AARSD1: variants seen among roughly 807,000 people sequenced by gnomAD.
AARSD1 encodes alanyl-tRNA synthetase domain containing 1.
Under a neutral mutation model 48.7 loss-of-function variants are expected in AARSD1, and 44 were observed. The ratio of observed to expected loss-of-function variants is 0.90; its 90% confidence interval spans 0.71 to 1.16. The LOEUF (loss-of-function observed/expected upper bound fraction) is 1.16. Ranked by LOEUF, AARSD1 falls within the 50% of genes most tolerant of loss-of-function variation. The probability of loss-of-function intolerance (pLI) is 0.00; values close to 1 mark genes in which losing one functional copy is unlikely to be tolerated. For missense variants in AARSD1, 511 were observed against 523.1 expected, an observed-to-expected ratio of 0.98 and a Z score of 0.23; for synonymous variants, 189 against 194.9, an observed-to-expected ratio of 0.97 and a Z score of 0.25.
chr17:42,958,606 T>C (rs2049589921), intron 3 of AARSD1, among the ~76,000 whole-genome samples: 1 of 151,636 alleles, frequency 6.6e-6, no homozygotes, highest in Non-Finnish European at 1.5e-5. Context: ...AGTATCGCTC[T>C]GTCACCCAGG....
At chr17:42,961,152 G>C (rs1426430065) in intron 3 of AARSD1, 40 bp downstream of exon 3, 1 of 1,575,246 alleles carries the variant, frequency 6.3e-7, no homozygotes, top group African/African-American at 1.4e-5. Flanking sequence ...CCCATACATG[G>C]CAACTGCTCC....
At chr17:42,957,050 T>A (rs1458514630) in intron 4 of AARSD1, 88 bp downstream of exon 4, 5 of 1,461,116 alleles carry the variant, frequency 3.4e-6, no homozygotes, top group East Asian at 2.7e-5. Flanking sequence ...AGCCTTAATC[T>A]CCCCGGCTCA....
intron 4 of AARSD1, 71 bp downstream of exon 4, chr17:42,957,067 T>C (rs1267901704): frequency 1.3e-6 from 2 of 1,580,538 alleles, no homozygotes; most frequent in Middle Eastern, 3.4e-4. Context: ...CTCAAGCAAT[T>C]CTCCCACCTC....
At position 42,951,838 on chromosome 17, in the gene AARSD1, C is replaced by G; in HGVS notation, c.1065G>C (p.Leu355=). Residue 355 remains leucine, a synonymous_variant, in exon 11 of 12, where the codon CTG becomes CTC. Transcript: ENST00000427569. ...TCTCCACAGACGCAGGTGGCCCTGCCAGTAAGAAGAGTCCACCACCTTTCT... is the reference window on the plus strand; with the variant it reads ...TCTCCACAGACGCAGGTGGCCCTGCGAGTAAGAAGAGTCCACCACCTTTCT... ...GDEKGGGLFL[L]AGPPASVETL... 1 of 1,614,186 alleles carries G rather than the reference C, an allele frequency of 6.2e-7. No homozygotes were observed. Among genetic ancestry groups the G allele is most frequent in the Non-Finnish European group, 8.5e-7 (1 of 1,180,026 alleles).
chr17:42,954,582 G>A (rs979894542), intron 9 of AARSD1, among the ~76,000 whole-genome samples: 11 of 151,980 alleles, frequency 7.2e-5, no homozygotes, highest in Non-Finnish European at 1.3e-4. Flanking sequence ...CTACAGGCGC[G>A]TACTACCATG....
Position 42,956,576 on chromosome 17 carries a change from T to G in AARSD1, c.390-16A>C, listed in dbSNP as rs376354440. The stretch of plus-strand genomic sequence containing the variant: ...CCCTAACTCCCTGTCAGAAGTACAG[T>G]GGCCACAGATAACATATCTTACTGA... On this transcript the variant is annotated splice_polypyrimidine_tract_variant and intron_variant, in intron 4 of 11. Transcript: ENST00000427569. 16 of 1,580,308 alleles carry G rather than the reference T, an allele frequency of 1.0e-5. No homozygotes were observed. Among genetic ancestry groups the G allele is most frequent in the Non-Finnish European group, 1.4e-5 (16 of 1,161,594 alleles).
chr17:42,954,429 TTTC>T (rs995286299), intron 9 of AARSD1, among the ~76,000 whole-genome samples: 4 of 143,422 alleles, frequency 2.8e-5, no homozygotes, highest in Non-Finnish European at 6.2e-5. Flanking sequence ...ATGTAACATA[TTTC>T]TTTTTTTTTT....
At chr17:42,952,542 T>C (rs1276883417) in intron 10 of AARSD1, among the ~76,000 whole-genome samples, 1 of 152,096 alleles carries the variant, frequency 6.6e-6, no homozygotes, top group Non-Finnish European at 1.5e-5. Context: ...TGGTGGCTCA[T>C]GCTTGCAGTC....
intron 3 of AARSD1, 55 bp from the exon 4 acceptor site, chr17:42,957,250 AATG>A: frequency 1.2e-6 from 2 of 1,602,454 alleles, no homozygotes. Flanking sequence ...ATACTCCCAC[AATG>A]ATAAAATATG....
chr17:42,959,189 T>A (rs1391861268), intron 3 of AARSD1, among the ~76,000 whole-genome samples: 1 of 137,076 alleles, frequency 7.3e-6, no homozygotes, highest in Non-Finnish European at 1.6e-5. Flanking sequence ...AGAGCGAGAC[T>A]TTGTCTCAAA....
intron 11 of AARSD1, 72 bp from the exon 12 acceptor site, chr17:42,950,800 TCTTTTTCCAGGGA>T: frequency 6.5e-7 from 1 of 1,545,312 alleles, no homozygotes; most frequent in South Asian, 1.2e-5. Context: ...CAGCTCTGAG[TCTTTTTCCAGGGA>T]CTGGGAGAGG....
rs7502993 is a variant in AARSD1, at chr17:42,956,363, G to A, written c.546+41C>T. ...GGAGGGACTGTCTGAATCTGATGAG[G>A]AATCATTCCGCAGAAACCATCCCTC... On this transcript the variant is annotated intron_variant, in intron 5 of 11. Coordinates refer to ENST00000427569, the MANE Select transcript of AARSD1 (RefSeq NM_001261434.2). 6.8e-6 allele frequency: 11 copies of A among 1,614,098 alleles called. No homozygotes were observed. The South Asian group carries it at 9.9e-5, about 15-fold the overall frequency.
At position 42,956,573 on chromosome 17, in the gene AARSD1, C is replaced by G; in HGVS notation, c.390-13G>C. 3 of 1,592,312 alleles carry G rather than the reference C, an allele frequency of 1.9e-6. No homozygotes were observed. Among genetic ancestry groups the G allele is most frequent in the Middle Eastern group, 1.7e-4 (1 of 5,936 alleles). On this transcript the variant is annotated splice_polypyrimidine_tract_variant and intron_variant, in intron 4 of 11. Transcript: ENST00000427569. ...TCTCCCTAACTCCCTGTCAGAAGTACAGTGGCCACAGATAACATATCTTAC... is the reference window on the plus strand; with the variant it reads ...TCTCCCTAACTCCCTGTCAGAAGTAGAGTGGCCACAGATAACATATCTTAC...
rs548746113 is a variant in AARSD1 at position 42,964,138 on chromosome 17, C to T, written c.139G>A (p.Asp47Asn). ...VLSGFQVVLE[D>N]TVLFPEGGGQ... ...CCGCCCTCAGGGAAAAGCACTGTGTCTTCCAGCACCACTTGGAAACCGCTC... is the reference window on the plus strand; with the variant it reads ...CCGCCCTCAGGGAAAAGCACTGTGTTTTCCAGCACCACTTGGAAACCGCTC... Residue 47 changes from aspartate to asparagine, a missense_variant, in exon 2 of 12, where the codon GAC (aspartate) becomes AAC (asparagine). Transcript: ENST00000427569. 2.5e-6 allele frequency: 4 copies of T among 1,614,240 alleles called. No individual in the cohort carries two copies. The highest frequency in any genetic ancestry group is 1.7e-5 in the Admixed American group (1 of 60,022).
chr17:42,955,219 C>T lies in AARSD1; in HGVS notation c.800G>A (p.Gly267Glu). ...EKALTALLKCGAEDHVEAVKK... is the reference protein window; with the variant it reads ...EKALTALLKCEAEDHVEAVKK... Reference sequence around the variant, plus strand: ...CACTGCTTCCACATGATCCTCTGCTCCACACCTGAAAGAGAAAGGTCAGAG... The same window carrying T: ...CACTGCTTCCACATGATCCTCTGCTTCACACCTGAAAGAGAAAGGTCAGAG... Residue 267 changes from glycine (G) to glutamate (E), a missense_variant, in exon 8 of 12, where the codon GGA (glycine) becomes GAA (glutamate). By Grantham distance (98) the Gly-to-Glu change is moderately conservative. Coordinates refer to ENST00000427569, the MANE Select transcript of AARSD1 (RefSeq NM_001261434.2). The T allele has an allele frequency of 6.2e-7, 1 of 1,614,040 alleles. No homozygotes were observed. Among genetic ancestry groups the T allele is most frequent in the Admixed American group, 1.7e-5 (1 of 59,996 alleles).
intron 9 of AARSD1, chr17:42,954,002 G>GCTCCCTGCTT (rs1230019132): frequency 1.1e-5 from 6 of 570,716 alleles, no homozygotes; most frequent in Non-Finnish European, 1.3e-5. Flanking sequence ...CCTTAAATAG[G>GCTCCCTGCTT]ATTCACCAGG....
Position 42,961,251 on chromosome 17 carries a change from C to T in AARSD1, c.272G>A (p.Ser91Asn). The change falls in exon 3 of 12, where the codon AGC becomes AAC. Residue 91 changes from serine (S) to asparagine (N), a missense_variant. Physicochemically the swap from Ser to Asn is conservative, Grantham distance 46 (BLOSUM62 1). Coordinates refer to ENST00000427569, the MANE Select transcript of AARSD1 (RefSeq NM_001261434.2). ...HFTQTPLDPG[S>N]QVLVRVDWER... ...CCAATCTACCCGGACCAGAACCTGGCTTCCTGGATCCAGGGGTGTCTGGGT... is the reference window on the plus strand; with the variant it reads ...CCAATCTACCCGGACCAGAACCTGGTTTCCTGGATCCAGGGGTGTCTGGGT... 6.2e-7 allele frequency: 1 copy of T among 1,614,170 alleles called. No homozygotes were observed. The highest frequency in any genetic ancestry group is 8.5e-7 in the Non-Finnish European group (1 of 1,180,016).
chr17:42,954,995 T>C (rs941187629), intron 8 of AARSD1, 28 bp from the exon 9 acceptor site: 1 of 1,614,000 alleles, frequency 6.2e-7, no homozygotes, highest in Non-Finnish European at 8.5e-7. Flanking sequence ...ACTCAGTAGA[T>C]AAATGGAAAG....
chr17:42,955,000 G>A, intron 8 of AARSD1, 33 bp from the exon 9 acceptor site: 1 of 1,613,818 alleles, frequency 6.2e-7, no homozygotes, highest in Non-Finnish European at 8.5e-7. Flanking sequence ...GTAGATAAAT[G>A]GAAAGGATAA....
Sources: gnomAD v4.1 joint callset for allele counts (sites outside exome capture counted in the v4.1 genomes callset) on GRCh38, gnomAD v4.1.1 for gene constraint, MANE v1.5 for transcripts, NCBI Gene and HGNC (gene_info 2026-07-23, HGNC 2026-07-21) for gene names.